SS18L1: variants seen among roughly 807,000 people sequenced by gnomAD.
SS18L1 encodes the protein SS18L1 subunit of BAF chromatin remodeling complex.
A neutral mutation model predicts 70.3 loss-of-function variants in SS18L1; 32 were observed. The observed-to-expected ratio is 0.46, with a 90% CI of 0.34 to 0.61. The LOEUF is 0.61. SS18L1 is among the 20% of genes least tolerant of loss of function. The probability of loss-of-function intolerance (pLI) is 0.01; values close to 1 mark genes in which losing one functional copy is unlikely to be tolerated. For synonymous variants in SS18L1, 237 were observed against 229.7 expected (o/e 1.03, Z -0.29); for missense variants, 430 against 542.1 (o/e 0.79, Z 2.05).
chr20:62,151,334 G>A (rs1457513203), intron 1 of SS18L1, among the ~76,000 whole-genome samples: 1 of 152,158 alleles, frequency 6.6e-6, no homozygotes, highest in African/African-American at 2.4e-5. Flanking sequence ...GCCAAGCCCC[G>A]TGTCCCCCGT....
chr20:62,163,341 T>G, intron 5 of SS18L1, 117 bp from the exon 6 acceptor site: 1 of 1,463,706 alleles, frequency 6.8e-7, no homozygotes, highest in Non-Finnish European at 9.2e-7. Context: ...GACGCTGTCC[T>G]CGTGGGGAGC....
intron 8 of SS18L1, among the ~76,000 whole-genome samples, chr20:62,167,168 C>G (rs1444065564): frequency 1.3e-5 from 2 of 149,050 alleles, no homozygotes; most frequent in South Asian, 4.3e-4. Context: ...GCCTCAGCCT[C>G]TTGAGTAGCT....
At chr20:62,171,323 C>T (rs1414864561) in intron 8 of SS18L1, among the ~76,000 whole-genome samples, 3 of 152,170 alleles carry the variant, frequency 2.0e-5, no homozygotes, top group African/African-American at 7.2e-5. Context: ...AGATGGCTTT[C>T]ATGGGGGCAG....
At chr20:62,175,787 T>C (rs2057610374) in intron 10 of SS18L1, among the ~76,000 whole-genome samples, 1 of 152,174 alleles carries the variant, frequency 6.6e-6, no homozygotes, top group Non-Finnish European at 1.5e-5. Context: ...GGTCACCAGG[T>C]AGATGTAGAG....
chr20:62,157,888 G>C (rs1192656060), intron 1 of SS18L1, among the ~76,000 whole-genome samples: 5 of 152,138 alleles, frequency 3.3e-5, no homozygotes, highest in African/African-American at 7.2e-5. Flanking sequence ...GTGTGTGTGT[G>C]TGGTTTCTTC....
chr20:62,167,852 A>G (rs1262343960), intron 8 of SS18L1, among the ~76,000 whole-genome samples: 3 of 151,070 alleles, frequency 2.0e-5, no homozygotes, highest in African/African-American at 4.9e-5. Flanking sequence ...GTCTTGCCCT[A>G]TCACCTAGGC....
rs191260230 is a variant in SS18L1, at chr20:62,180,670, C to T, written c.*1462C>T. ...CAGCACTTTGGGAGGCCGAAGCGGG[C>T]GGATCACCTGAGGTCGGGAGTTCGA... On this transcript the variant is annotated 3_prime_UTR_variant, in exon 11 of 11. Coordinates refer to ENST00000331758, the MANE Select transcript of SS18L1 (RefSeq NM_198935.3). 3.6e-4 allele frequency: 58 copies of T among 162,018 alleles called. No individual in the cohort carries two copies. The highest frequency in any genetic ancestry group is 1.7e-3 in the East Asian group (13 of 7,490). The allele number at this position is 162,018 out of a possible 1,614,324, so 10.0% of individuals were successfully genotyped here. A position where few individuals can be genotyped will look rare whatever the true frequency, so the allele number is the denominator to read the frequency against.
chr20:62,162,387 C>T (rs1273935328), intron 4 of SS18L1, among the ~76,000 whole-genome samples: 3 of 152,148 alleles, frequency 2.0e-5, no homozygotes, highest in Non-Finnish European at 4.4e-5. Flanking sequence ...CTGCAACCTC[C>T]GCCTCCCGGG....
chr20:62,160,981 G>A (rs913226473), intron 3 of SS18L1, among the ~76,000 whole-genome samples: 9 of 152,018 alleles, frequency 5.9e-5, no homozygotes, highest in Non-Finnish European at 4.4e-5. Flanking sequence ...GGGGGTAGTC[G>A]GGGAAGGGGC....
At chr20:62,149,770 G>A (rs2057094609) in intron 1 of SS18L1, among the ~76,000 whole-genome samples, 3 of 152,232 alleles carry the variant, frequency 2.0e-5, no homozygotes, top group South Asian at 4.1e-4. Flanking sequence ...GAATTTATCC[G>A]TGGTATTCGG....
At chr20:62,150,870 G>T (rs6089667) in intron 1 of SS18L1, among the ~76,000 whole-genome samples, 99,252 of 151,784 alleles carry the variant, frequency 0.65, 36,499 homozygotes, top group East Asian at 0.83. Flanking sequence ...AGAGTCGGGA[G>T]GGGAGTGCAC....
chr20:62,164,883 G>A (rs1203605608), intron 7 of SS18L1, among the ~76,000 whole-genome samples: 1 of 152,170 alleles, frequency 6.6e-6, no homozygotes, highest in Non-Finnish European at 1.5e-5. Flanking sequence ...GACAGAGCAG[G>A]ATCCTGTCTC....
intron 6 of SS18L1, 119 bp downstream of exon 6, chr20:62,163,741 T>C: frequency 7.4e-7 from 1 of 1,353,058 alleles, no homozygotes; most frequent in Non-Finnish European, 9.8e-7. Flanking sequence ...CCTGGGGGAG[T>C]GAGGCTTGGC....
intron 1 of SS18L1, among the ~76,000 whole-genome samples, chr20:62,149,189 C>T (rs1418065966): frequency 6.6e-6 from 1 of 152,206 alleles, no homozygotes; most frequent in African/African-American, 2.4e-5. Flanking sequence ...ATAAACAGGC[C>T]CTGGGTGCCG....
rs1389503193 is a variant in SS18L1, at chr20:62,174,609, T to G, written c.1129T>G (p.Ser377Ala). 1.2e-6 allele frequency: 2 copies of G among 1,613,552 alleles called. No individual in the cohort carries two copies. Among genetic ancestry groups the G allele is most frequent in the Non-Finnish European group, 1.7e-6 (2 of 1,180,036 alleles). ...CTACCGAGCACCGCAGACAGCGCCG[T>G]CTGCCCAGCAGCAGCGGCCCTACGG... ...GSYRAPQTAPSAQQQRPYGYE... is the reference protein window; with the variant it reads ...GSYRAPQTAPAAQQQRPYGYE... Residue 377 changes from serine (S) to alanine (A), a missense_variant, in exon 10 of 11, where the codon TCT becomes GCT. Transcript: ENST00000331758. The surrounding 1 kb of genome is among the most constrained non-coding windows in gnomAD (Gnocchi z 4.1).
At chr20:62,166,428 A>G (rs1466293034) in intron 8 of SS18L1, among the ~76,000 whole-genome samples, 1 of 152,230 alleles carries the variant, frequency 6.6e-6, no homozygotes, top group Non-Finnish European at 1.5e-5. Flanking sequence ...TGTTTGGGTT[A>G]CTTCTTAAAG....
chr20:62,150,306 G>T (rs1024177715), intron 1 of SS18L1, among the ~76,000 whole-genome samples: 3 of 152,236 alleles, frequency 2.0e-5, no homozygotes, highest in African/African-American at 7.2e-5. Context: ...AGCTCAGGCT[G>T]GGCTCAGAGG....
Position 62,145,759 on chromosome 20 carries a change from C to T in SS18L1, c.69+1870C>T, listed in dbSNP as rs147864845. 5.8e-3 allele frequency among the ~76,000 whole-genome samples: 883 copies of T among 152,248 alleles called. 6 individuals carry two copies. The highest frequency in any genetic ancestry group is 0.011 in the Admixed American group (168 of 15,302). On this transcript the variant is annotated intron_variant, in intron 1 of 10. Transcript: ENST00000331758. The stretch of plus-strand genomic sequence containing the variant: ...TTGGCTTGGTAGGGCCAGCAGTCTG[C>T]GTATTGGGCTTGGTGTTTTGACGGT...
Position 62,174,787 on chromosome 20 carries a change from C to T in SS18L1, c.1164+143C>T, listed in dbSNP as rs1443969673. On this transcript the variant is annotated intron_variant, in intron 10 of 10. Transcript: ENST00000331758. The surrounding 1 kb of genome is among the most constrained non-coding windows in gnomAD (Gnocchi z 4.1). ...CTTCCAGAACGTTAAGTCTCTGAGC[C>T]TGTAAGGTTTTGCAGAATTGCCTCT... is the stretch of plus-strand genomic sequence containing the variant. 2.6e-6 allele frequency: 4 copies of T among 1,555,850 alleles called. No individual in the cohort carries two copies. In the South Asian group the frequency reaches 3.5e-5, roughly 14 times the overall value.
Sources: gnomAD v4.1 joint callset for allele counts (sites outside exome capture counted in the v4.1 genomes callset) on GRCh38, gnomAD v4.1.1 for gene constraint, Gnocchi (gnomAD v3.1) non-coding constraint, MANE v1.5 for transcripts, NCBI Gene and HGNC (gene_info 2026-07-23, HGNC 2026-07-21) for gene names.